The following TRARG1 variants were observed in gnomAD, a reference collection of about 807,000 sequenced individuals.
The protein encoded by TRARG1 is trafficking regulator of GLUT4 (SLC2A4) 1 (gene/pseudogene).
A neutral mutation model predicts 13.3 loss-of-function variants in TRARG1; 16 were observed. The ratio of observed to expected loss-of-function variants is 1.20; its 90% CI spans 0.81 to 1.83. The LOEUF (loss-of-function observed/expected upper bound fraction) is 1.83. Ranked by LOEUF, TRARG1 falls within the 40% of genes most tolerant of loss-of-function variation. The pLI, the probability that TRARG1 is intolerant of heterozygous loss-of-function variation, is 0.00. For missense variants in TRARG1, 250 were observed against 237.4 expected, an observed-to-expected ratio of 1.05 and a Z score of -0.35; for synonymous variants, 113 against 106.2, an observed-to-expected ratio of 1.06 and a Z score of -0.39.
At chr17:1,295,733 G>A in intron 2 of TRARG1, 110 bp downstream of exon 2, 1 of 1,377,062 alleles carries the variant, frequency 7.3e-7, no homozygotes, top group Non-Finnish European at 9.7e-7. Flanking sequence ...GAAGGAGAAG[G>A]GCTGGTGGGG....
chr17:1,298,487 G>A lies in TRARG1; in HGVS notation c.*223G>A, dbSNP rs989758010. Reference sequence around the variant, plus strand: ...AAGCACAGCGAACCCAATGGGTAACGTGGTTTACTCTCCCGGACGCGTCCT... The same window carrying A: ...AAGCACAGCGAACCCAATGGGTAACATGGTTTACTCTCCCGGACGCGTCCT... On this transcript the variant is annotated 3_prime_UTR_variant, in exon 3 of 3. Coordinates refer to ENST00000333813, the MANE Select transcript of TRARG1 (RefSeq NM_172367.3). The A allele has an allele frequency of 4.2e-5, 21 of 502,562 alleles. No homozygotes were observed. Among genetic ancestry groups the A allele is most frequent in the Admixed American group, 1.0e-4 (3 of 29,432 alleles). 31.1% of individuals were successfully genotyped at this position (502,562 alleles called of 1,614,324 possible). A position where few individuals can be genotyped will look rare whatever the true frequency, so the allele number is the denominator to read the frequency against.
At chr17:1,283,487 G>A (rs1232259098) in intron 1 of TRARG1, among the ~76,000 whole-genome samples, 2 of 152,126 alleles carry the variant, frequency 1.3e-5, no homozygotes, top group African/African-American at 4.8e-5. Context: ...AGTCAATTTG[G>A]AACATTTGCC....
At chr17:1,294,302 G>A (rs944872043) in intron 1 of TRARG1, among the ~76,000 whole-genome samples, 5 of 152,146 alleles carry the variant, frequency 3.3e-5, no homozygotes, top group East Asian at 3.9e-4. Context: ...GCTCACCGAG[G>A]AGTGATACAT....
In TRARG1 at chr17:1,279,771, G is replaced by A. The variant is rs146058439; in HGVS notation, c.-231G>A. 64 of 495,474 alleles carry A rather than the reference G, an allele frequency of 1.3e-4. No individual in the cohort carries two copies. The highest frequency in any genetic ancestry group is 5.3e-4 in the Admixed American group (15 of 28,338). 30.7% of individuals were successfully genotyped at this position (495,474 alleles called of 1,614,324 possible). ...CTTGAACAAAGCTGCAGGCTCCAGC[G>A]TCTTTCTGGGAGCTCCGCGGGGGCA... On this transcript the variant is annotated 5_prime_UTR_variant, in exon 1 of 3. Transcript: ENST00000333813.
At chr17:1,293,048 G>A (rs1433066119) in intron 1 of TRARG1, among the ~76,000 whole-genome samples, 1 of 152,126 alleles carries the variant, frequency 6.6e-6, no homozygotes, top group African/African-American at 2.4e-5. Flanking sequence ...AGCACTTTGG[G>A]AGGCCAATGT....
intron 1 of TRARG1, among the ~76,000 whole-genome samples, chr17:1,286,187 G>A (rs1436771517): frequency 1.2e-4 from 18 of 152,222 alleles, no homozygotes; most frequent in Admixed American, 9.8e-4. Context: ...GCTGGCTCAC[G>A]CTGCACGGCC....
intron 1 of TRARG1, among the ~76,000 whole-genome samples, chr17:1,288,365 G>GTT (rs1331766337): frequency 4.3e-5 from 5 of 117,138 alleles, no homozygotes; most frequent in African/African-American, 1.1e-4. Context: ...TCCCCCATGG[G>GTT]CTCCCCATCC....
rs2072128667 is a variant in TRARG1 at position 1,298,464 on chromosome 17, G to A, written c.*200G>A. The A allele has an allele frequency of 3.6e-6, 2 of 554,860 alleles. No individual in the cohort carries two copies. Among genetic ancestry groups the A allele is most frequent in the South Asian group, 2.8e-5 (1 of 35,164 alleles). The allele number at this position is 554,860 out of a possible 1,614,324, so 34.4% of individuals were successfully genotyped here. On this transcript the variant is annotated 3_prime_UTR_variant, in exon 3 of 3. Coordinates refer to ENST00000333813, the MANE Select transcript of TRARG1 (RefSeq NM_172367.3). ...AGAAAGCCTGGAGCGAGGAAGGAAA[G>A]CACAGCGAACCCAATGGGTAACGTG...
chr17:1,287,635 A>C (rs543267332), intron 1 of TRARG1, among the ~76,000 whole-genome samples: 94 of 149,300 alleles, frequency 6.3e-4, no homozygotes, highest in African/African-American at 2.3e-3. Context: ...TGCTGGGATT[A>C]CAGGTGTGAG....
intron 1 of TRARG1, among the ~76,000 whole-genome samples, chr17:1,290,649 C>T (rs113233230): frequency 0.017 from 2,638 of 152,242 alleles, 33 homozygotes; most frequent in Middle Eastern, 0.051. Flanking sequence ...TCTTGTACCA[C>T]GCCCACATCA....
chr17:1,286,194 G>A (rs538804389), intron 1 of TRARG1, among the ~76,000 whole-genome samples: 206 of 152,322 alleles, frequency 1.4e-3, no homozygotes, highest in African/African-American at 4.7e-3. Flanking sequence ...CACGCTGCAC[G>A]GCCACCAGGC....
intron 1 of TRARG1, among the ~76,000 whole-genome samples, chr17:1,282,275 C>T (rs374336795): frequency 3.0e-5 from 1 of 32,978 alleles, no homozygotes; most frequent in South Asian, 1.2e-3. Flanking sequence ...CATATATGCA[C>T]GTATATGTAC....
At chr17:1,291,023 A>G (rs562842593) in intron 1 of TRARG1, among the ~76,000 whole-genome samples, 6 of 151,452 alleles carry the variant, frequency 4.0e-5, no homozygotes, top group Non-Finnish European at 8.8e-5. Flanking sequence ...CTCCTGCCTC[A>G]ACCTCCCAAG....
At chr17:1,283,820 A>T (rs571063272) in intron 1 of TRARG1, among the ~76,000 whole-genome samples, 1 of 144,726 alleles carries the variant, frequency 6.9e-6, no homozygotes, top group South Asian at 2.2e-4. Context: ...AAAAAAATAA[A>T]ATAAAATAAA....
chr17:1,299,865 G>A lies in TRARG1; in HGVS notation c.*1601G>A, dbSNP rs145257123. ...GCCTCCCCACCCTCCTCAGAGGCCC[G>A]GGGAAGGGAAGAGCAGGTCAGTACA... On this transcript the variant is annotated 3_prime_UTR_variant, in exon 3 of 3. Coordinates refer to ENST00000333813, the MANE Select transcript of TRARG1 (RefSeq NM_172367.3). 9.9e-4 allele frequency: 152 copies of A among 152,850 alleles called. No homozygotes were observed. The highest frequency in any genetic ancestry group is 1.6e-3 in the Non-Finnish European group (109 of 68,502). The allele number at this position is 152,850 out of a possible 1,614,324, so 9.5% of individuals were successfully genotyped here.
intron 1 of TRARG1, among the ~76,000 whole-genome samples, chr17:1,288,522 C>T (rs1166667944): frequency 2.1e-5 from 2 of 97,164 alleles, no homozygotes; most frequent in Non-Finnish European, 4.3e-5. Context: ...TCCCCATCCC[C>T]CTCCAGCTTC....
chr17:1,282,662 C>A (rs1023016596), intron 1 of TRARG1, among the ~76,000 whole-genome samples: 1 of 150,388 alleles, frequency 6.6e-6, no homozygotes, highest in African/African-American at 2.5e-5. Flanking sequence ...AGCCACTGAA[C>A]CTGGCCTGTT....
chr17:1,286,168 A>G (rs1166417840), intron 1 of TRARG1, among the ~76,000 whole-genome samples: 1 of 152,196 alleles, frequency 6.6e-6, no homozygotes, highest in Non-Finnish European at 1.5e-5. Flanking sequence ...AACTGCTCAG[A>G]GGGAAGGGGC....
intron 2 of TRARG1, among the ~76,000 whole-genome samples, chr17:1,297,106 C>A (rs759193605): frequency 6.6e-6 from 1 of 152,148 alleles, no homozygotes; most frequent in Non-Finnish European, 1.5e-5. Context: ...TCAATGAACC[C>A]TAAGCTTTTC....
Sources: gnomAD v4.1 joint callset for allele counts (sites outside exome capture counted in the v4.1 genomes callset) on GRCh38, gnomAD v4.1.1 for gene constraint, MANE v1.5 for transcripts, NCBI Gene and HGNC (gene_info 2026-07-23, HGNC 2026-07-21) for gene names.